Variants in ST18 observed in about 807,000 individuals in gnomAD.
The protein encoded by ST18 is ST18 C2H2C-type zinc finger transcription factor.
ST18 carries 50 observed loss-of-function variants against 110.0 expected under a neutral mutation model. The observed-to-expected ratio is 0.45, with a 90% CI of 0.36 to 0.58. The LOEUF is 0.58. Among genes scored for constraint, ST18 ranks in the 20% least tolerant of loss-of-function variants. ST18 has a pLI of 0.00. For synonymous variants in ST18, 461 were observed against 452.4 expected (o/e 1.02, Z -0.24); for missense variants, 1,306 against 1,280.1 (o/e 1.02, Z -0.31).
At chr8:52,376,003 G>A (rs1832223834) in intron 2 of ST18, among the ~76,000 whole-genome samples, 1 of 152,120 alleles carries the variant, frequency 6.6e-6, no homozygotes, top group African/African-American at 2.4e-5. Flanking sequence ...TACCTTCAGA[G>A]CACATCCAGA....
intron 2 of ST18, among the ~76,000 whole-genome samples, chr8:52,354,122 A>C (rs1821618588): frequency 6.6e-6 from 1 of 152,244 alleles, no homozygotes; most frequent in South Asian, 2.1e-4. Context: ...GCCAGGACCG[A>C]GTTATGTGCT....
At chr8:52,192,048 G>A (rs1181107250) in intron 8 of ST18, among the ~76,000 whole-genome samples, 1 of 152,152 alleles carries the variant, frequency 6.6e-6, no homozygotes, top group Non-Finnish European at 1.5e-5. Context: ...CTGTTTTCAA[G>A]CTTCCCAGGG....
intron 2 of ST18, among the ~76,000 whole-genome samples, chr8:52,380,710 A>T (rs563365581): frequency 1.2e-3 from 174 of 148,532 alleles, no homozygotes; most frequent in African/African-American, 4.4e-3. Flanking sequence ...AACATTCATT[A>T]AAAAAAAAGT....
At chr8:52,359,010 T>A (rs1310008938) in intron 2 of ST18, among the ~76,000 whole-genome samples, 1 of 151,894 alleles carries the variant, frequency 6.6e-6, no homozygotes, top group Non-Finnish European at 1.5e-5. Context: ...TAACATCATA[T>A]TAAGAGGATT....
At chr8:52,250,162 T>C (rs1486452852) in intron 2 of ST18, among the ~76,000 whole-genome samples, 1 of 152,010 alleles carries the variant, frequency 6.6e-6, no homozygotes, top group Non-Finnish European at 1.5e-5. Context: ...ATAAAATGAA[T>C]ACTTTACAGC....
chr8:52,200,373 T>A (rs2077547821), intron 8 of ST18, among the ~76,000 whole-genome samples: 1 of 152,214 alleles, frequency 6.6e-6, no homozygotes. Context: ...AAAAACCTGG[T>A]GCAAGTGAGC....
chr8:52,188,167 T>C (rs75164967), intron 8 of ST18, among the ~76,000 whole-genome samples: 1 of 152,134 alleles, frequency 6.6e-6, no homozygotes, highest in African/African-American at 2.4e-5. Flanking sequence ...AATCCTTAAA[T>C]TGAGTAAAAT....
intron 2 of ST18, among the ~76,000 whole-genome samples, chr8:52,301,118 G>T (rs899551680): frequency 1.3e-5 from 2 of 152,282 alleles, no homozygotes; most frequent in Non-Finnish European, 2.9e-5. Flanking sequence ...GTTTAAAGTT[G>T]TCACAGAGAT....
chr8:52,348,893 A>C (rs1818986752), intron 2 of ST18, among the ~76,000 whole-genome samples: 2 of 152,118 alleles, frequency 1.3e-5, no homozygotes, highest in African/African-American at 4.8e-5. Flanking sequence ...CTGTCTTAGC[A>C]TTTTCCAAGG....
chr8:52,313,719 T>C (rs773414282), intron 2 of ST18, among the ~76,000 whole-genome samples: 5 of 152,070 alleles, frequency 3.3e-5, no homozygotes, highest in African/African-American at 9.7e-5. Context: ...GGTCACATCA[T>C]TGGGTAAGCA....
intron 2 of ST18, among the ~76,000 whole-genome samples, chr8:52,379,105 T>C (rs1167921577): frequency 6.6e-6 from 1 of 150,398 alleles, no homozygotes. Context: ...TTTCTTTCTT[T>C]TTTTTTTTTT....
At chr8:52,361,775 G>A (rs369872524) in intron 2 of ST18, among the ~76,000 whole-genome samples, 45 of 152,272 alleles carry the variant, frequency 3.0e-4, no homozygotes, top group East Asian at 1.3e-3. Flanking sequence ...TAAAAAATGC[G>A]TTTGGGATCA....
intron 2 of ST18, among the ~76,000 whole-genome samples, chr8:52,374,294 A>G (rs1831339401): frequency 6.6e-6 from 1 of 152,018 alleles, no homozygotes; most frequent in Non-Finnish European, 1.5e-5. Context: ...GAGGCACATG[A>G]GGAGGAGGAT....
chr8:52,343,403 T>C (rs1816124930), intron 2 of ST18, among the ~76,000 whole-genome samples: 2 of 152,190 alleles, frequency 1.3e-5, no homozygotes, highest in African/African-American at 2.4e-5. Context: ...CTCACAGAGC[T>C]GGAAACGATG....
intron 5 of ST18, among the ~76,000 whole-genome samples, chr8:52,218,688 C>A (rs2085397557): frequency 6.6e-6 from 1 of 151,864 alleles, no homozygotes; most frequent in African/African-American, 2.4e-5. Flanking sequence ...GCATGAGCCA[C>A]TGCACCCGGC....
At chr8:52,326,478 G>A (rs1806475130) in intron 2 of ST18, among the ~76,000 whole-genome samples, 1 of 152,142 alleles carries the variant, frequency 6.6e-6, no homozygotes, top group Non-Finnish European at 1.5e-5. Context: ...AATGAAAGAT[G>A]CATAGTAATG....
At chr8:52,334,950 T>C (rs751932746) in intron 2 of ST18, among the ~76,000 whole-genome samples, 1 of 152,156 alleles carries the variant, frequency 6.6e-6, no homozygotes, top group Non-Finnish European at 1.5e-5. Context: ...TCAAAAGTCA[T>C]CATGAAAATG....
intron 8 of ST18, among the ~76,000 whole-genome samples, chr8:52,209,359 T>A (rs2081286223): frequency 6.6e-6 from 1 of 152,208 alleles, no homozygotes; most frequent in South Asian, 2.1e-4. Context: ...TATTTTCACT[T>A]TATTCATCTG....
chr8:52,197,547 G>A (rs1450895193), intron 8 of ST18, among the ~76,000 whole-genome samples: 1 of 152,202 alleles, frequency 6.6e-6, no homozygotes, highest in Non-Finnish European at 1.5e-5. Flanking sequence ...GGCTTTAAGT[G>A]AAGACCAGGA....
Sources: allele counts gnomAD v4.1 joint callset (sites outside exome capture counted in the v4.1 genomes callset), GRCh38; gene constraint gnomAD v4.1.1; transcripts MANE v1.5; gene names NCBI Gene and HGNC (gene_info 2026-07-23, HGNC 2026-07-21).